Variants in RCAN2 observed in about 807,000 individuals in gnomAD.
The protein encoded by RCAN2 is calcipressin-2.
Under a neutral mutation model 23.6 loss-of-function variants are expected in RCAN2, and 9 were observed. The ratio of observed to expected loss-of-function variants is 0.38; its 90% CI spans 0.23 to 0.67. The LOEUF is 0.67. Among genes scored for constraint, RCAN2 ranks in the 30% least tolerant of loss-of-function variants. RCAN2 has a pLI of 0.51. For missense variants in RCAN2, 273 were observed against 302.3 expected (o/e 0.90, Z 0.72); for synonymous variants, 109 against 115.7 (o/e 0.94, Z 0.37).
intron 4 of RCAN2, among the ~76,000 whole-genome samples, chr6:46,237,113 C>T (rs762616277): frequency 1.8e-4 from 28 of 152,208 alleles, no homozygotes; most frequent in Non-Finnish European, 4.0e-4. Context: ...ACAAGCGACT[C>T]TACTGAAAGG....
intron 2 of RCAN2, among the ~76,000 whole-genome samples, chr6:46,340,472 A>C (rs1764281120): frequency 6.6e-6 from 1 of 152,326 alleles, no homozygotes; most frequent in East Asian, 1.9e-4. Flanking sequence ...GTGGGAGCAG[A>C]AAACAATTCA....
intron 2 of RCAN2, among the ~76,000 whole-genome samples, chr6:46,426,453 A>T (rs1412525787): frequency 1.3e-5 from 2 of 152,186 alleles, no homozygotes; most frequent in African/African-American, 2.4e-5. Context: ...AGCAGTTTTT[A>T]AAAAGACAAG....
chr6:46,476,040 A>G (rs1238128758), intron 1 of RCAN2, among the ~76,000 whole-genome samples: 1 of 152,200 alleles, frequency 6.6e-6, no homozygotes, highest in East Asian at 1.9e-4. Flanking sequence ...ATGGGAATGC[A>G]CTAGTGGGTG....
At chr6:46,233,935 G>A (rs935141293) in intron 4 of RCAN2, among the ~76,000 whole-genome samples, 1 of 152,020 alleles carries the variant, frequency 6.6e-6, no homozygotes, top group Non-Finnish European at 1.5e-5. Flanking sequence ...CACCATATTG[G>A]CCAGACTGGT....
chr6:46,403,385 C>T (rs564721718), intron 2 of RCAN2, among the ~76,000 whole-genome samples: 1 of 151,714 alleles, frequency 6.6e-6, no homozygotes, highest in African/African-American at 2.4e-5. Flanking sequence ...CCAGCCTGAC[C>T]AACATGGAGA....
At chr6:46,382,393 T>G (rs1261757221) in intron 2 of RCAN2, among the ~76,000 whole-genome samples, 1 of 152,202 alleles carries the variant, frequency 6.6e-6, no homozygotes, top group Non-Finnish European at 1.5e-5. Context: ...TACATACAGC[T>G]AAGTCCTAGA....
intron 2 of RCAN2, among the ~76,000 whole-genome samples, chr6:46,453,691 C>T (rs1401783944): frequency 6.6e-6 from 1 of 152,120 alleles, no homozygotes; most frequent in Non-Finnish European, 1.5e-5. Context: ...AAAGGTATCT[C>T]AGACATGTAG....
At chr6:46,238,003 C>T (rs773546387) in intron 4 of RCAN2, among the ~76,000 whole-genome samples, 9 of 152,220 alleles carry the variant, frequency 5.9e-5, no homozygotes, top group Non-Finnish European at 1.2e-4. Context: ...GACCCTTCCC[C>T]CTGAGCCTGG....
intron 1 of RCAN2, among the ~76,000 whole-genome samples, chr6:46,480,153 T>C (rs1371899188): frequency 1.3e-5 from 2 of 152,164 alleles, no homozygotes; most frequent in East Asian, 3.9e-4. Context: ...GACAAAGAGA[T>C]CATTGGTGAG....
At chr6:46,360,893 C>G (rs1038122703) in intron 2 of RCAN2, among the ~76,000 whole-genome samples, 4 of 152,138 alleles carry the variant, frequency 2.6e-5, no homozygotes, top group Non-Finnish European at 1.5e-5. Context: ...TTAAAATGAT[C>G]ATGAATTTTG....
At chr6:46,343,025 A>G (rs1490478060) in intron 2 of RCAN2, among the ~76,000 whole-genome samples, 1 of 152,210 alleles carries the variant, frequency 6.6e-6, no homozygotes, top group Non-Finnish European at 1.5e-5. Context: ...ATTTTCCTCA[A>G]ATCGATTAAA....
intron 2 of RCAN2, among the ~76,000 whole-genome samples, chr6:46,341,670 C>T (rs978816881): frequency 7.2e-5 from 11 of 152,074 alleles, no homozygotes; most frequent in African/African-American, 2.7e-4. Context: ...TGGTGGCAGG[C>T]ACCTGTAATC....
Position 46,462,844 on chromosome 6 carries a change from GAATTCTAAAAAA to G in RCAN2, c.-2-5878_-2-5867del, listed in dbSNP as rs138580719. 4.9e-4 allele frequency among the ~76,000 whole-genome samples: 74 copies of G among 152,310 alleles called. 1 individual carries two copies. In the East Asian group the frequency reaches 0.012, roughly 25 times the overall value. ...ATGAGATTCACATTTCTGAATTGCA[GAATTCTAAAAAA>G]ATTCACTTTTCTAGGAATTGGGTAT... On this transcript the variant is annotated intron_variant, in intron 1 of 4. Coordinates refer to ENST00000371374, the MANE Select transcript of RCAN2 (RefSeq NM_001251974.2).
chr6:46,383,737 A>G (rs181913348), intron 2 of RCAN2, among the ~76,000 whole-genome samples: 29 of 152,340 alleles, frequency 1.9e-4, no homozygotes, highest in African/African-American at 7.0e-4. Context: ...GGCCAATCTT[A>G]CCGGATGGCA....
At chr6:46,467,275 T>C (rs1199856274) in intron 1 of RCAN2, among the ~76,000 whole-genome samples, 2 of 152,240 alleles carry the variant, frequency 1.3e-5, no homozygotes, top group Non-Finnish European at 2.9e-5. Context: ...GAATTTGACT[T>C]TCAGCTGTCC....
chr6:46,387,448 G>C (rs1452204728), intron 2 of RCAN2, among the ~76,000 whole-genome samples: 1 of 152,194 alleles, frequency 6.6e-6, no homozygotes, highest in Non-Finnish European at 1.5e-5. Context: ...TGAAGGATAT[G>C]AACAGACACT....
chr6:46,293,977 G>C (rs567447729), intron 2 of RCAN2, among the ~76,000 whole-genome samples: 1 of 152,284 alleles, frequency 6.6e-6, no homozygotes, highest in African/African-American at 2.4e-5. Context: ...AGAATAGCCT[G>C]TACTGTATTT....
At position 46,307,551 on chromosome 6, in the gene RCAN2, C is replaced by G. The variant is rs1382837415; in HGVS notation, c.226-58655G>C. On this transcript the variant is annotated intron_variant, in intron 2 of 4. Coordinates refer to ENST00000371374, the MANE Select transcript of RCAN2 (RefSeq NM_001251974.2). ...AATTGCTTTATTGTTGTCATTTATT[C>G]ATTTATTTATTCAGCAAATATATGT... is the stretch of plus-strand genomic sequence containing the variant. Among the ~76,000 whole-genome samples, 7 of 152,024 alleles carry G rather than the reference C, an allele frequency of 4.6e-5. No individual in the cohort carries two copies. The East Asian group carries it at 1.2e-3, about 25-fold the overall frequency.
chr6:46,339,450 C>A (rs1392136869), intron 2 of RCAN2, among the ~76,000 whole-genome samples: 1 of 151,598 alleles, frequency 6.6e-6, no homozygotes, highest in Non-Finnish European at 1.5e-5. Flanking sequence ...TATATATAAA[C>A]GGGGGCATAG....
Sources: gnomAD v4.1 joint callset for allele counts (sites outside exome capture counted in the v4.1 genomes callset) on GRCh38, gnomAD v4.1.1 for gene constraint, MANE v1.5 for transcripts, NCBI Gene and HGNC (gene_info 2026-07-23, HGNC 2026-07-21) for gene names.